FGF14: variants seen among roughly 807,000 people sequenced by gnomAD.
FGF14 encodes fibroblast growth factor 14.
A neutral mutation model predicts 25.5 loss-of-function variants in FGF14; 5 were observed. That is an observed-to-expected ratio of 0.20 (90% CI 0.10 to 0.41). The LOEUF (loss-of-function observed/expected upper bound fraction) is 0.41. Among genes scored for constraint, FGF14 ranks in the 10% least tolerant of loss-of-function variants. The pLI, the probability that FGF14 is intolerant of heterozygous loss-of-function variation, is 1.00. For missense variants in FGF14, 222 were observed against 320.1 expected, an observed-to-expected ratio of 0.69 and a Z score of 2.34; for synonymous variants, 138 against 118.3, an observed-to-expected ratio of 1.17 and a Z score of -1.08.
intron 3 of FGF14, among the ~76,000 whole-genome samples, chr13:101,797,763 G>GTT (rs1566914134): frequency 6.6e-6 from 1 of 150,688 alleles, no homozygotes; most frequent in Admixed American, 6.6e-5. Context: ...GTGTGTGTGT[G>GTT]TGTGTGTGTG....
At chr13:102,339,969 C>T (rs368476671) in intron 1 of FGF14, among the ~76,000 whole-genome samples, 8 of 152,212 alleles carry the variant, frequency 5.3e-5, no homozygotes, top group African/African-American at 1.9e-4. Flanking sequence ...CAACTGGAGG[C>T]AAAATTGAGG....
At chr13:101,919,610 G>C (rs374770949), upstream of FGF14, among the ~76,000 whole-genome samples, 2 of 151,946 alleles carry the variant, frequency 1.3e-5, no homozygotes, top group Admixed American at 6.6e-5. Context: ...CCTCGGACCA[G>C]CCTGACATTC....
At chr13:101,901,514 G>C (rs1437436931) in intron 1 of FGF14, among the ~76,000 whole-genome samples, 1 of 152,140 alleles carries the variant, frequency 6.6e-6, no homozygotes, top group Non-Finnish European at 1.5e-5. Context: ...GACCAGCCTG[G>C]ACAACATGGT....
intron 1 of FGF14, among the ~76,000 whole-genome samples, chr13:101,879,681 A>T (rs1451234068): frequency 6.6e-6 from 1 of 152,196 alleles, no homozygotes; most frequent in Admixed American, 6.5e-5. Flanking sequence ...CTATGTTTAT[A>T]TACACATAAA....
In FGF14 at chr13:101,875,193, A is replaced by G. The variant is rs1477272897; in HGVS notation, c.297T>C (p.Thr99=). The G allele has an allele frequency of 6.8e-6, 11 of 1,610,214 alleles. No individual in the cohort carries two copies. In the South Asian group the frequency reaches 8.8e-5, roughly 13 times the overall value. Residue 99 remains threonine, a synonymous_variant, in exon 2 of 5, where the codon ACT becomes ACC. Transcript: ENST00000376143. ...GALDGTKDDS[T]NSTLFNLIPV... The stretch of plus-strand genomic sequence containing the variant: ...CCTGAGGTTGTCACTTACTAGAATT[A>G]GTGCTGTCATCCTTGGTTCCATCGA...
chr13:101,847,459 TAGAC>T (rs774147152), intron 3 of FGF14, among the ~76,000 whole-genome samples: 5 of 152,080 alleles, frequency 3.3e-5, no homozygotes, highest in African/African-American at 9.7e-5. Flanking sequence ...ACAAATGTAA[TAGAC>T]AGTAAACTAG....
intron 1 of FGF14, among the ~76,000 whole-genome samples, chr13:102,258,488 C>A (rs2052558064): frequency 6.6e-6 from 1 of 152,162 alleles, no homozygotes; most frequent in Admixed American, 6.5e-5. Flanking sequence ...TCACCCTAGA[C>A]ACTGGCCTGC....
intron 1 of FGF14, among the ~76,000 whole-genome samples, chr13:102,058,947 TAA>T (rs55849646): frequency 4.2e-5 from 6 of 143,464 alleles, no homozygotes; most frequent in African/African-American, 1.0e-4. Context: ...CAGTCTTAAC[TAA>T]AAAAAAAAAA....
chr13:102,104,865 C>A (rs746448434), intron 1 of FGF14, among the ~76,000 whole-genome samples: 14 of 152,152 alleles, frequency 9.2e-5, no homozygotes, highest in Non-Finnish European at 1.9e-4. Flanking sequence ...TGAAGGTTTT[C>A]CTTTGCCCCT....
intron 3 of FGF14, among the ~76,000 whole-genome samples, chr13:101,790,172 T>C (rs904597422): frequency 6.6e-6 from 1 of 151,806 alleles, no homozygotes; most frequent in African/African-American, 2.4e-5. Context: ...ATCTCATTTT[T>C]ACCAAGCTTT....
At chr13:101,777,217 A>G (rs2039177738) in intron 3 of FGF14, among the ~76,000 whole-genome samples, 1 of 152,152 alleles carries the variant, frequency 6.6e-6, no homozygotes, top group Non-Finnish European at 1.5e-5. Flanking sequence ...CTTTTCATCT[A>G]ACTTCTAAAT....
chr13:102,008,641 C>T (rs942594211), intron 1 of FGF14, among the ~76,000 whole-genome samples: 1 of 151,872 alleles, frequency 6.6e-6, no homozygotes, highest in African/African-American at 2.4e-5. Flanking sequence ...TTTCTCAGTT[C>T]TTTCCACGTG....
chr13:101,885,215 T>C (rs2045929102), intron 1 of FGF14, among the ~76,000 whole-genome samples: 1 of 152,174 alleles, frequency 6.6e-6, no homozygotes, highest in Admixed American at 6.6e-5. Flanking sequence ...TGGATTCAAC[T>C]TTCTTTTCAT....
At position 101,732,390 on chromosome 13, in the gene FGF14, T is replaced by C. The variant is rs777173085; in HGVS notation, c.409-5580A>G. 3.9e-5 allele frequency among the ~76,000 whole-genome samples: 6 copies of C among 152,220 alleles called. No homozygotes were observed. The East Asian group carries it at 5.8e-4, about 15-fold the overall frequency. ...TCCAAAATAACTTAAAAAGAGGAAA[T>C]AGAGAAACGATATTAGACACAAGTA... On this transcript the variant is annotated intron_variant, in intron 3 of 4. Coordinates refer to ENST00000376143, the MANE Select transcript of FGF14 (RefSeq NM_004115.4).
rs1287935202 is a variant in FGF14 at position 102,249,018 on chromosome 13, T to C, written c.208+152453A>G. 7.9e-5 allele frequency among the ~76,000 whole-genome samples: 12 copies of C among 152,160 alleles called. No homozygotes were observed. In the South Asian group the frequency reaches 2.5e-3, roughly 32 times the overall value. ...AAGTAATGTCCTGGGAAAGAAAGAA[T>C]TGAGTTTGAGATACATGGGTTCTAG... On this transcript the variant is annotated intron_variant, in intron 1 of 4. Coordinates refer to the FGF14 transcript ENST00000376131.
At chr13:102,229,895 CT>C (rs2050999516) in intron 1 of FGF14, among the ~76,000 whole-genome samples, 1 of 152,180 alleles carries the variant, frequency 6.6e-6, no homozygotes, top group African/African-American at 2.4e-5. Context: ...CTGTGGAAGG[CT>C]TCCTCAAACT....
At chr13:102,277,391 G>A (rs934933898) in intron 1 of FGF14, among the ~76,000 whole-genome samples, 3 of 152,240 alleles carry the variant, frequency 2.0e-5, no homozygotes, top group Admixed American at 1.3e-4. Flanking sequence ...TGGGAAGTGT[G>A]CAGGGCACTC....
intron 1 of FGF14, among the ~76,000 whole-genome samples, chr13:102,256,481 G>C (rs1227598407): frequency 6.6e-6 from 1 of 152,116 alleles, no homozygotes; most frequent in African/African-American, 2.4e-5. Flanking sequence ...CTGGGTGACA[G>C]AGCGAGACCC....
intron 3 of FGF14, among the ~76,000 whole-genome samples, chr13:101,748,476 C>T (rs2037041423): frequency 6.6e-6 from 1 of 150,740 alleles, no homozygotes; most frequent in African/African-American, 2.4e-5. Context: ...ACACTGGAGA[C>T]TTGAAAGGGG....
Sources: allele counts gnomAD v4.1 joint callset (sites outside exome capture counted in the v4.1 genomes callset), GRCh38; gene constraint gnomAD v4.1.1; transcripts MANE v1.5; gene names NCBI Gene and HGNC (gene_info 2026-07-23, HGNC 2026-07-21).